Variants in OR51B5 observed in about 807,000 individuals in gnomAD.
OR51B5 encodes olfactory receptor family 51 subfamily B member 5, also known as olfactory receptor 51B5.
For synonymous variants in OR51B5, 186 were observed against 144.8 expected, an observed-to-expected ratio of 1.28 and a Z score of -2.04; for missense variants, 456 against 374.6, an observed-to-expected ratio of 1.22 and a Z score of -1.79.
intron 1 of OR51B5, among the ~76,000 whole-genome samples, chr11:5,408,346 TC>T (rs1287731790): frequency 7.8e-4 from 35 of 45,120 alleles, no homozygotes; most frequent in African/African-American, 3.9e-3. Flanking sequence ...TTCCTTCCCT[TC>T]CTCCCTTCCT....
chr11:5,436,337 G>T (rs1850592083), intron 1 of OR51B5, among the ~76,000 whole-genome samples: 1 of 152,192 alleles, frequency 6.6e-6, no homozygotes, highest in Admixed American at 6.5e-5. Context: ...TTCAAGCAAA[G>T]ACTGGATAAC....
chr11:5,381,639 G>A (rs1487545486), intron 1 of OR51B5, among the ~76,000 whole-genome samples: 3 of 152,170 alleles, frequency 2.0e-5, no homozygotes, highest in South Asian at 2.1e-4. Context: ...CTCACAGGAC[G>A]CACTTAATGC....
chr11:5,437,130 T>C (rs755504019), intron 1 of OR51B5, among the ~76,000 whole-genome samples: 2 of 152,106 alleles, frequency 1.3e-5, no homozygotes, highest in African/African-American at 2.4e-5. Context: ...GATACTGCCC[T>C]CTCTCCACTG....
intron 1 of OR51B5, among the ~76,000 whole-genome samples, chr11:5,470,441 G>A (rs981154531): frequency 1.3e-5 from 2 of 152,058 alleles, no homozygotes; most frequent in African/African-American, 4.8e-5. Flanking sequence ...TAATACCTTG[G>A]AAATTATTGT....
chr11:5,367,949 T>C (rs547330015), intron 1 of OR51B5, among the ~76,000 whole-genome samples: 33 of 152,330 alleles, frequency 2.2e-4, no homozygotes, highest in African/African-American at 7.9e-4. Flanking sequence ...TACTCAGCAG[T>C]TTGTGAGGAA....
At chr11:5,415,270 A>G (rs1589983711) in intron 1 of OR51B5, among the ~76,000 whole-genome samples, 1 of 150,986 alleles carries the variant, frequency 6.6e-6, no homozygotes, top group African/African-American at 2.4e-5. Context: ...GGACACATTC[A>G]AAGCAGTGTG....
intron 1 of OR51B5, chr11:5,422,158 T>C: frequency 7.2e-7 from 1 of 1,384,266 alleles, no homozygotes; most frequent in Non-Finnish European, 1.0e-6. Flanking sequence ...TTTCTTTTTC[T>C]CCCTGAGTGA....
At chr11:5,341,728 A>G (rs1848896199), downstream of OR51B5, among the ~76,000 whole-genome samples, 1 of 152,114 alleles carries the variant, frequency 6.6e-6, no homozygotes, top group African/African-American at 2.4e-5. Context: ...GTTCCTTCAG[A>G]CCTTTTTCAT....
At chr11:5,488,579 A>AT in intron 1 of OR51B5, 1 of 740,584 alleles carries the variant, frequency 1.4e-6, no homozygotes, top group Non-Finnish European at 2.2e-6. Context: ...TGAAAAACAA[A>AT]TTTTTTTAGT....
intron 1 of OR51B5, among the ~76,000 whole-genome samples, chr11:5,411,359 CT>C (rs1279813584): frequency 6.6e-6 from 1 of 152,174 alleles, no homozygotes; most frequent in Non-Finnish European, 1.5e-5. Flanking sequence ...ATCATATAGC[CT>C]AAATGTGTAG....
intron 1 of OR51B5, among the ~76,000 whole-genome samples, chr11:5,352,626 C>A (rs950794798): frequency 2.5e-4 from 38 of 152,024 alleles, no homozygotes; most frequent in African/African-American, 8.9e-4. Flanking sequence ...CTGTCTATTG[C>A]TGATTTGTAT....
chr11:5,380,110 GTC>G (rs1849588024), intron 1 of OR51B5, among the ~76,000 whole-genome samples: 1 of 152,034 alleles, frequency 6.6e-6, no homozygotes, highest in African/African-American at 2.4e-5. Flanking sequence ...CCCAAAAGGG[GTC>G]TCTCTGAAAA....
intron 1 of OR51B5, among the ~76,000 whole-genome samples, chr11:5,410,921 G>A (rs1358050971): frequency 7.0e-6 from 1 of 142,214 alleles, no homozygotes; most frequent in Non-Finnish European, 1.5e-5. Flanking sequence ...CTGTACCACT[G>A]TACAATGCAT....
chr11:5,421,096 CA>C (rs1850327602), intron 1 of OR51B5, among the ~76,000 whole-genome samples: 1 of 152,246 alleles, frequency 6.6e-6, no homozygotes, highest in Non-Finnish European at 1.5e-5. Flanking sequence ...AACTGTGATT[CA>C]ATATGGCTTT....
chr11:5,354,639 C>G, intron 1 of OR51B5: 1 of 158,708 alleles, frequency 6.3e-6, no homozygotes, highest in Admixed American at 6.5e-5. Context: ...CGCCCCTCCA[C>G]GCCACCAGCC....
chr11:5,468,566 GC>G, intron 1 of OR51B5: 1 of 426,386 alleles, frequency 2.3e-6, no homozygotes, highest in East Asian at 7.1e-5. Flanking sequence ...ATTGGGTAGA[GC>G]ATTGGAGGTA....
At chr11:5,402,940 C>T (rs2647582) in intron 1 of OR51B5, 61,498 of 471,166 alleles carry the variant, frequency 0.13, 4,936 homozygotes, top group African/African-American at 0.29. Context: ...CATGATGGAG[C>T]CAGCTGTGCT....
At chr11:5,458,238 T>A (rs915956703) in intron 1 of OR51B5, among the ~76,000 whole-genome samples, 7 of 152,298 alleles carry the variant, frequency 4.6e-5, no homozygotes, top group Admixed American at 4.6e-4. Context: ...TTTTGCCCAC[T>A]CCTTGTTATT....
At chr11:5,489,724 C>CA (rs1851555019) in intron 1 of OR51B5, 1 of 1,088,478 alleles carries the variant, frequency 9.2e-7, no homozygotes, top group South Asian at 1.4e-5. Flanking sequence ...GATACATTTA[C>CA]ATGGACACAC....
Sources: allele counts gnomAD v4.1 joint callset (sites outside exome capture counted in the v4.1 genomes callset), GRCh38; gene constraint gnomAD v4.1.1; transcripts MANE v1.5; gene names NCBI Gene and HGNC (gene_info 2026-07-23, HGNC 2026-07-21).